Variants in FAM227A observed in about 807,000 individuals in gnomAD.
FAM227A encodes protein FAM227A.
A neutral mutation model predicts 74.7 loss-of-function variants in FAM227A; 80 were observed. The ratio of observed to expected loss-of-function variants is 1.07; its 90% CI spans 0.89 to 1.29. The LOEUF is 1.29. Ranked by LOEUF, FAM227A falls within the 50% of genes most tolerant of loss-of-function variation. FAM227A has a pLI of 0.00. For missense variants in FAM227A, 654 were observed against 683.4 expected (o/e 0.96, Z 0.48); for synonymous variants, 237 against 241.8 (o/e 0.98, Z 0.19).
At chr22:38,620,680 G>A (rs991961961) in intron 10 of FAM227A, among the ~76,000 whole-genome samples, 14 of 149,560 alleles carry the variant, frequency 9.4e-5, no homozygotes, top group South Asian at 2.2e-4. Context: ...ATGGTGGCGC[G>A]CGCCTGTAGT....
At chr22:38,599,555 T>C (rs2091125535) in intron 14 of FAM227A, among the ~76,000 whole-genome samples, 1 of 152,182 alleles carries the variant, frequency 6.6e-6, no homozygotes, top group Admixed American at 6.5e-5. Flanking sequence ...TGGGGTCTCA[T>C]GGCCAGTTCA....
intron 5 of FAM227A, among the ~76,000 whole-genome samples, chr22:38,638,062 G>C (rs1332176308): frequency 6.6e-6 from 1 of 152,190 alleles, no homozygotes; most frequent in Non-Finnish European, 1.5e-5. Flanking sequence ...CTACTTGGGA[G>C]GCTAAGACAG....
chr22:38,599,180 T>G (rs1055340485), intron 14 of FAM227A, among the ~76,000 whole-genome samples: 1 of 152,098 alleles, frequency 6.6e-6, no homozygotes, highest in Non-Finnish European at 1.5e-5. Context: ...CAGGCTGGTC[T>G]CAAACTCCTT....
intron 3 of FAM227A, among the ~76,000 whole-genome samples, chr22:38,641,627 A>G (rs764113613): frequency 2.0e-5 from 3 of 151,798 alleles, no homozygotes; most frequent in South Asian, 4.2e-4. Flanking sequence ...GGATCTCTCA[A>G]AGAGTACATC....
intron 11 of FAM227A, among the ~76,000 whole-genome samples, chr22:38,613,136 AATATATATATT>A (rs1569206841): frequency 3.4e-5 from 3 of 88,524 alleles, no homozygotes; most frequent in African/African-American, 9.9e-5. Context: ...TTATATATAT[AATATATATATT>A]ATATATTATA....
chr22:38,583,062 A>C lies in FAM227A; in HGVS notation c.*3063T>G, dbSNP rs1022299243. ...TAGAGAAACTGCAAATGAAGAGTTG[A>C]CAGTGGCTGGGGTAGTAAAGGGAAG... On this transcript the variant is annotated 3_prime_UTR_variant, in exon 17 of 17. Coordinates refer to ENST00000535113, the MANE Select transcript of FAM227A (RefSeq NM_001013647.2). 45 of 1,225,710 alleles carry C rather than the reference A, an allele frequency of 3.7e-5. No individual in the cohort carries two copies. Among genetic ancestry groups the C allele is most frequent in the Non-Finnish European group, 4.6e-6 (4 of 871,152 alleles). 75.9% of individuals were successfully genotyped at this position (1,225,710 alleles called of 1,614,324 possible). A position where few individuals can be genotyped will look rare whatever the true frequency, so the allele number is the denominator to read the frequency against.
chr22:38,621,215 T>C, intron 10 of FAM227A, among the ~76,000 whole-genome samples: 1 of 151,816 alleles, frequency 6.6e-6, no homozygotes, highest in African/African-American at 2.4e-5. Flanking sequence ...GCTGGTGTGG[T>C]GGAGCATGCC....
intron 1 of FAM227A, chr22:38,653,768 G>A (rs2092353417): frequency 6.6e-6 from 1 of 152,168 alleles, no homozygotes; most frequent in Admixed American, 6.6e-5. Context: ...AGCCAAAAAG[G>A]TTGAGGACTG....
Position 38,597,212 on chromosome 22 carries a change from G to A in FAM227A, c.1524C>T (p.Asn508=), listed in dbSNP as rs1472449834. ...CAAAGCCCCTTCCATACCTGGAGAA[G>A]TTGTCTTGCAGCTCCTTTAGATGCT... The part of the protein sequence containing the change: ...FDKHLKELQD[N]FSREMKNIDP... Residue 508 remains asparagine, a synonymous_variant, in exon 15 of 17, where the codon AAC becomes AAT. Transcript: ENST00000535113. The A allele has an allele frequency of 1.3e-6, 2 of 1,552,140 alleles. No homozygotes were observed. Among genetic ancestry groups the A allele is most frequent in the African/African-American group, 1.4e-5 (1 of 73,020 alleles).
chr22:38,634,221 CAAAA>C (rs34039010), intron 6 of FAM227A, among the ~76,000 whole-genome samples: 1 of 62,154 alleles, frequency 1.6e-5, no homozygotes, highest in African/African-American at 6.0e-5. Flanking sequence ...GACTCTGTCT[CAAAA>C]AAAAAAAAAA....
At chr22:38,626,701 TAAAAATAAA>T (rs2091807810) in intron 8 of FAM227A, among the ~76,000 whole-genome samples, 1 of 149,778 alleles carries the variant, frequency 6.7e-6, no homozygotes, top group Non-Finnish European at 1.5e-5. Flanking sequence ...GTGTCTCTAC[TAAAAATAAA>T]AAAAATAAAA....
chr22:38,636,346 G>T, intron 6 of FAM227A, 105 bp downstream of exon 6: 1 of 1,259,268 alleles, frequency 7.9e-7, no homozygotes, highest in Non-Finnish European at 1.1e-6. Flanking sequence ...CTGCAAGCCT[G>T]TGGCCCTAGG....
Position 38,623,281 on chromosome 22 carries a change from T to TC in FAM227A, c.851-3_851-2insG, listed in dbSNP as rs1569216871. The TC allele has an allele frequency of 1.3e-6, 2 of 1,547,770 alleles. No homozygotes were observed. The highest frequency in any genetic ancestry group is 3.9e-5 in the Admixed American group (2 of 50,984). ...AGCTCTGTGGGCTAGGATAGGTGCC[T>TC]AAGGGAGGAGTCAAGAGTGAGAATG... On this transcript the variant is annotated splice_polypyrimidine_tract_variant and splice_region_variant and intron_variant, in intron 9 of 16. Coordinates refer to ENST00000535113, the MANE Select transcript of FAM227A (RefSeq NM_001013647.2).
In FAM227A at chr22:38,650,218, C is replaced by T; in HGVS notation, c.-50G>A. On this transcript the variant is annotated 5_prime_UTR_variant, in exon 2 of 17. Transcript: ENST00000535113. ...AACAAAAAGCTTCCACTTTTAAGAG[C>T]CTCTCATTTCCCACTCCAATCTTGT... 1 of 1,522,678 alleles carries T rather than the reference C, an allele frequency of 6.6e-7. No individual in the cohort carries two copies. The highest frequency in any genetic ancestry group is 2.5e-5 in the East Asian group (1 of 40,758). The allele number at this position is 1,522,678 out of a possible 1,614,324, so 94.3% of individuals were successfully genotyped here. A position where few individuals can be genotyped will look rare whatever the true frequency, so the allele number is the denominator to read the frequency against.
chr22:38,591,330 T>A (rs2090929138), intron 16 of FAM227A, 105 bp downstream of exon 16: 2 of 1,449,516 alleles, frequency 1.4e-6, no homozygotes, highest in African/African-American at 1.4e-5. Flanking sequence ...CTCAGTAAAA[T>A]AAAATAAAAT....
At chr22:38,636,307 G>T in intron 6 of FAM227A, 144 bp downstream of exon 6, 1 of 819,518 alleles carries the variant, frequency 1.2e-6, no homozygotes, top group South Asian at 2.0e-5. Flanking sequence ...AGTGAGGTTG[G>T]GCTAGGGTTC....
At chr22:38,636,390 G>A in intron 6 of FAM227A, 61 bp downstream of exon 6, 1 of 1,520,768 alleles carries the variant, frequency 6.6e-7, no homozygotes, top group Non-Finnish European at 8.9e-7. Context: ...GTGTGAAAGG[G>A]TGACAGCTGC....
chr22:38,634,444 A>G (rs756776846), intron 6 of FAM227A, among the ~76,000 whole-genome samples: 1 of 152,180 alleles, frequency 6.6e-6, no homozygotes, highest in Non-Finnish European at 1.5e-5. Context: ...CACTAATCAT[A>G]CAAACTACCG....
At position 38,585,962 on chromosome 22, in the gene FAM227A, T is replaced by C. The variant is rs2090797187; in HGVS notation, c.*163A>G. ...CCAACTCTCTACTCCTGCTTTTCAC[T>C]CAGCCTAGGAAAAACTACAACGGAA... On this transcript the variant is annotated 3_prime_UTR_variant, in exon 17 of 17. Coordinates refer to ENST00000535113, the MANE Select transcript of FAM227A (RefSeq NM_001013647.2). The C allele has an allele frequency of 8.1e-6, 12 of 1,475,978 alleles. No individual in the cohort carries two copies. The highest frequency in any genetic ancestry group is 1.1e-5 in the Non-Finnish European group (12 of 1,109,366). The allele number at this position is 1,475,978 out of a possible 1,614,324, so 91.4% of individuals were successfully genotyped here. A position where few individuals can be genotyped will look rare whatever the true frequency, so the allele number is the denominator to read the frequency against.
Sources: gnomAD v4.1 joint callset for allele counts (sites outside exome capture counted in the v4.1 genomes callset) on GRCh38, gnomAD v4.1.1 for gene constraint, MANE v1.5 for transcripts, NCBI Gene and HGNC (gene_info 2026-07-23, HGNC 2026-07-21) for gene names.